The following SLIT2 variants were observed in gnomAD, a reference collection of about 807,000 sequenced individuals.
SLIT2 encodes the protein slit homolog 2 protein.
SLIT2 carries 41 observed loss-of-function variants against 185.7 expected under a neutral mutation model. The ratio of observed to expected loss-of-function variants is 0.22; its 90% CI spans 0.17 to 0.29. The LOEUF is 0.29. Among genes scored for constraint, SLIT2 ranks in the 10% least tolerant of loss-of-function variants. The probability of loss-of-function intolerance (pLI) is 1.00; values close to 1 mark genes in which losing one functional copy is unlikely to be tolerated. For missense variants in SLIT2, 1,571 were observed against 1,909.0 expected (o/e 0.82, Z 3.30); for synonymous variants, 693 against 680.2 (o/e 1.02, Z -0.29).
chr4:20,619,206 A>T lies in SLIT2; in HGVS notation c.*197A>T. The T allele has an allele frequency of 1.8e-6, 1 of 543,858 alleles. No homozygotes were observed. Among genetic ancestry groups the T allele is most frequent in the East Asian group, 3.3e-5 (1 of 30,736 alleles). 33.7% of individuals were successfully genotyped at this position (543,858 alleles called of 1,614,324 possible). ...AAATGCTTGAACTAAAGCTTCCCCT[A>T]TGCTGGAGAAGTATGAAGAAAGATA... is the stretch of plus-strand genomic sequence containing the variant. On this transcript the variant is annotated 3_prime_UTR_variant, in exon 37 of 37. Coordinates refer to ENST00000504154, the MANE Select transcript of SLIT2 (RefSeq NM_004787.4).
At chr4:20,488,755 G>T in intron 7 of SLIT2, 64 bp from the exon 8 acceptor site, 1 of 1,159,318 alleles carries the variant, frequency 8.6e-7, no homozygotes, top group South Asian at 1.5e-5. Flanking sequence ...AGAAATACAG[G>T]TATATATTAA....
At chr4:20,572,201 C>T (rs955767124) in intron 29 of SLIT2, among the ~76,000 whole-genome samples, 2 of 152,174 alleles carry the variant, frequency 1.3e-5, no homozygotes, top group African/African-American at 2.4e-5. Context: ...GCTGTAACTT[C>T]ACCACCCTAG....
intron 9 of SLIT2, among the ~76,000 whole-genome samples, chr4:20,507,532 C>A (rs1719323485): frequency 6.6e-6 from 1 of 151,674 alleles, no homozygotes; most frequent in South Asian, 2.1e-4. Flanking sequence ...TGAAATCTAA[C>A]TGCAAAATAA....
At chr4:20,324,659 G>A (rs556840252) in intron 4 of SLIT2, among the ~76,000 whole-genome samples, 2 of 152,246 alleles carry the variant, frequency 1.3e-5, no homozygotes, top group South Asian at 4.1e-4. Flanking sequence ...ATAACTATGT[G>A]ATGTAGTTCG....
intron 5 of SLIT2, among the ~76,000 whole-genome samples, chr4:20,475,766 A>T (rs1457257411): frequency 6.6e-6 from 1 of 152,122 alleles, no homozygotes; most frequent in East Asian, 1.9e-4. Context: ...TACAATTCCC[A>T]GGACTTAATG....
At chr4:20,468,254 A>G (rs1244065921) in intron 5 of SLIT2, among the ~76,000 whole-genome samples, 3 of 152,132 alleles carry the variant, frequency 2.0e-5, no homozygotes, top group African/African-American at 7.2e-5. Context: ...CTATGAGAAT[A>G]TGGACTATTA....
chr4:20,483,627 C>G (rs1716922231), intron 6 of SLIT2, among the ~76,000 whole-genome samples: 1 of 151,938 alleles, frequency 6.6e-6, no homozygotes, highest in Non-Finnish European at 1.5e-5. Context: ...CCAAACTCTG[C>G]CAAACGATAT....
At chr4:20,274,136 A>G (rs982277653) in intron 4 of SLIT2, among the ~76,000 whole-genome samples, 5 of 152,230 alleles carry the variant, frequency 3.3e-5, no homozygotes, top group African/African-American at 1.2e-4. Flanking sequence ...TCTGAATTAT[A>G]TACTGATACT....
At chr4:20,462,981 A>C (rs1471327213) in intron 4 of SLIT2, among the ~76,000 whole-genome samples, 1 of 152,210 alleles carries the variant, frequency 6.6e-6, no homozygotes, top group Non-Finnish European at 1.5e-5. Flanking sequence ...CTATGTGCCA[A>C]GTCGTTTTTG....
rs113788007 is a variant in SLIT2 at position 20,358,937 on chromosome 4, G to T, written c.395+90056G>T. On this transcript the variant is annotated intron_variant, in intron 4 of 36. Transcript: ENST00000504154. The stretch of plus-strand genomic sequence containing the variant: ...TAGATACAAAGTTTCTGTAAAATTC[G>T]GACAATCATTTTGGGTTCTTAACAT... Among the ~76,000 whole-genome samples, 1,269 of 151,904 alleles carry T rather than the reference G, an allele frequency of 8.4e-3. 16 individuals carry two copies. Among genetic ancestry groups the T allele is most frequent in the African/African-American group, 0.029 (1,218 of 41,456 alleles).
intron 4 of SLIT2, among the ~76,000 whole-genome samples, chr4:20,365,138 T>C (rs1403960771): frequency 6.6e-6 from 1 of 152,176 alleles, no homozygotes; most frequent in Non-Finnish European, 1.5e-5. Context: ...GTCCCAGCTA[T>C]TCAGGGCAGA....
At chr4:20,507,886 G>A (rs3775811) in intron 9 of SLIT2, among the ~76,000 whole-genome samples, 67,608 of 151,524 alleles carry the variant, frequency 0.45, 15,866 homozygotes, top group African/African-American at 0.61. Flanking sequence ...GAATCTTCCA[G>A]CGAATCAATA....
At position 20,589,626 on chromosome 4, in the gene SLIT2, C is replaced by T. The variant is rs780679265; in HGVS notation, c.3089-18C>T. ...GTTGACCTTTTTCTATGAGCTAACA[C>T]TGTTTGCCCTGTTGCAGGTGAGTTG... is the stretch of plus-strand genomic sequence containing the variant. On this transcript the variant is annotated intron_variant, in intron 29 of 36. Coordinates refer to ENST00000504154, the MANE Select transcript of SLIT2 (RefSeq NM_004787.4). The T allele has an allele frequency of 2.5e-6, 4 of 1,601,300 alleles. No individual in the cohort carries two copies. The South Asian group carries it at 4.4e-5, about 18-fold the overall frequency.
chr4:20,372,473 G>T (rs1159684587), intron 4 of SLIT2, among the ~76,000 whole-genome samples: 1 of 151,876 alleles, frequency 6.6e-6, no homozygotes, highest in East Asian at 1.9e-4. Flanking sequence ...AAAAAGAAAT[G>T]ATTTTATATT....
chr4:20,556,573 C>G (rs548531334), intron 26 of SLIT2, among the ~76,000 whole-genome samples: 1 of 152,056 alleles, frequency 6.6e-6, no homozygotes, highest in East Asian at 1.9e-4. Context: ...GATAAGTCCC[C>G]TGTCTCTCTC....
intron 4 of SLIT2, among the ~76,000 whole-genome samples, chr4:20,419,701 G>GTA (rs1212230296): frequency 1.3e-4 from 19 of 151,736 alleles, no homozygotes; most frequent in Non-Finnish European, 2.8e-4. Context: ...GTGTGTGTGT[G>GTA]TGTGTGTGTT....
At chr4:20,423,752 T>A (rs1412527193) in intron 4 of SLIT2, among the ~76,000 whole-genome samples, 2 of 152,256 alleles carry the variant, frequency 1.3e-5, no homozygotes, top group African/African-American at 2.4e-5. Flanking sequence ...AATGCAAATA[T>A]AAATGTTATA....
At chr4:20,411,650 G>A (rs1220133656) in intron 4 of SLIT2, among the ~76,000 whole-genome samples, 1 of 152,198 alleles carries the variant, frequency 6.6e-6, no homozygotes, top group Non-Finnish European at 1.5e-5. Context: ...GTCTGTGATA[G>A]AGCTTCAAGA....
chr4:20,472,509 TAGATAG>T (rs1391153898), intron 5 of SLIT2, among the ~76,000 whole-genome samples: 1 of 20,222 alleles, frequency 4.9e-5, no homozygotes, highest in African/African-American at 3.4e-4. Flanking sequence ...TATCTATATA[TAGATAG>T]ATATATATCT....
Sources: gnomAD v4.1 joint callset for allele counts (sites outside exome capture counted in the v4.1 genomes callset) on GRCh38, gnomAD v4.1.1 for gene constraint, MANE v1.5 for transcripts, NCBI Gene and HGNC (gene_info 2026-07-23, HGNC 2026-07-21) for gene names.